The following SETBP1 variants were observed in gnomAD, a reference collection of about 807,000 sequenced individuals.
SETBP1 encodes the protein SET-binding protein.
SETBP1 carries 9 observed loss-of-function variants against 101.0 expected under a neutral mutation model. The observed-to-expected ratio is 0.09, with a 90% CI of 0.05 to 0.16. SETBP1 has a LOEUF of 0.16. Among genes scored for constraint, SETBP1 ranks in the 10% least tolerant of loss-of-function variants. The probability of loss-of-function intolerance (pLI) is 1.00; values close to 1 mark genes in which losing one functional copy is unlikely to be tolerated. For missense variants in SETBP1, 1,858 were observed against 2,033.8 expected (o/e 0.91, Z 1.66); for synonymous variants, 818 against 788.5 (o/e 1.04, Z -0.63).
chr18:44,692,309 T>G (rs1407058049), intron 1 of SETBP1, among the ~76,000 whole-genome samples: 1 of 152,240 alleles, frequency 6.6e-6, no homozygotes, highest in Non-Finnish European at 1.5e-5. Context: ...AAACAATCCT[T>G]GAGGTAGGAT....
intron 3 of SETBP1, among the ~76,000 whole-genome samples, chr18:44,907,922 A>C (rs2070213361): frequency 6.6e-6 from 1 of 152,190 alleles, no homozygotes; most frequent in African/African-American, 2.4e-5. Flanking sequence ...CAAAGGTCAA[A>C]AAATATACTC....
At chr18:45,023,506 C>T (rs769887684) in intron 4 of SETBP1, among the ~76,000 whole-genome samples, 16 of 152,172 alleles carry the variant, frequency 1.1e-4, no homozygotes, top group Non-Finnish European at 2.2e-4. Flanking sequence ...TAAATTAACA[C>T]GTGCACAAAA....
chr18:45,049,805 A>G (rs1370726132), intron 5 of SETBP1, among the ~76,000 whole-genome samples: 2 of 152,158 alleles, frequency 1.3e-5, no homozygotes, highest in Non-Finnish European at 2.9e-5. Context: ...TTATTTAATT[A>G]TGGAATTTAG....
chr18:44,989,584 G>C (rs1231628693), intron 4 of SETBP1, among the ~76,000 whole-genome samples: 2 of 151,976 alleles, frequency 1.3e-5, no homozygotes, highest in African/African-American at 4.8e-5. Flanking sequence ...TCAATCCTCA[G>C]AAGCTGAAAG....
rs2071327995 is a variant in SETBP1 at position 44,950,805 on chromosome 18, G to A, written c.1465G>A (p.Val489Ile). 1.2e-6 allele frequency: 2 copies of A among 1,614,004 alleles called. No individual in the cohort carries two copies. The highest frequency in any genetic ancestry group is 2.2e-5 in the East Asian group (1 of 44,884). ...GLETGGNAEK[V>I]IPGGVSKPRK... Reference sequence around the variant, plus strand: ...TGAAACTGGTGGAAATGCTGAGAAAGTTATCCCAGGAGGTGTGTCTAAGCC... The same window carrying A: ...TGAAACTGGTGGAAATGCTGAGAAAATTATCCCAGGAGGTGTGTCTAAGCC... The change falls in exon 4 of 6, where the codon GTT (valine) becomes ATT (isoleucine). Residue 489 changes from valine (V) to isoleucine (I), a missense_variant. Val to Ile is a conservative substitution (Grantham distance 29). Around this residue, in one of 12 missense-constraint regions of SETBP1, gnomAD observed 581 missense variants for 535.1 expected, o/e 1.09. Coordinates refer to ENST00000649279, the MANE Select transcript of SETBP1 (RefSeq NM_015559.3).
At chr18:44,818,301 G>A (rs533383584) in intron 2 of SETBP1, among the ~76,000 whole-genome samples, 8 of 152,180 alleles carry the variant, frequency 5.3e-5, no homozygotes, top group South Asian at 2.1e-4. Context: ...TAAAATCACC[G>A]AACCTTAAAG....
intron 2 of SETBP1, among the ~76,000 whole-genome samples, chr18:44,763,120 T>C (rs2070694248): frequency 1.3e-5 from 2 of 152,164 alleles, no homozygotes; most frequent in Admixed American, 6.5e-5. Context: ...TGAATTTAAC[T>C]GGGCCTAAAA....
intron 3 of SETBP1, among the ~76,000 whole-genome samples, chr18:44,916,963 G>T: frequency 6.6e-6 from 1 of 152,200 alleles, no homozygotes; most frequent in East Asian, 1.9e-4. Flanking sequence ...CGCTTCCCTG[G>T]TTTCCCAGAC....
chr18:44,819,954 CAA>C (rs542858088), intron 2 of SETBP1, among the ~76,000 whole-genome samples: 1 of 148,544 alleles, frequency 6.7e-6, no homozygotes, highest in African/African-American at 2.5e-5. Context: ...TCATTCTTTA[CAA>C]AAAAAAAAGT....
chr18:45,024,534 C>T (rs1395527882), intron 4 of SETBP1, among the ~76,000 whole-genome samples: 1 of 152,348 alleles, frequency 6.6e-6, no homozygotes, highest in Non-Finnish European at 1.5e-5. Context: ...TCACTGTACA[C>T]TTCTGTAAAC....
chr18:44,847,295 A>G (rs2072744083), intron 2 of SETBP1, among the ~76,000 whole-genome samples: 1 of 152,224 alleles, frequency 6.6e-6, no homozygotes, highest in African/African-American at 2.4e-5. Context: ...CACTCAGGTC[A>G]TGCCTGTCTG....
intron 2 of SETBP1, among the ~76,000 whole-genome samples, chr18:44,834,421 T>TA (rs2072448846): frequency 6.6e-6 from 1 of 152,128 alleles, no homozygotes; most frequent in Non-Finnish European, 1.5e-5. Context: ...GTATAGATTA[T>TA]AAAACGGTAA....
intron 2 of SETBP1, among the ~76,000 whole-genome samples, chr18:44,729,577 T>C (rs1428291315): frequency 1.3e-5 from 2 of 152,214 alleles, no homozygotes; most frequent in Non-Finnish European, 2.9e-5. Context: ...AGCAAGTCAA[T>C]GTGATTCCTG....
intron 2 of SETBP1, among the ~76,000 whole-genome samples, chr18:44,712,448 C>T (rs2069368143): frequency 6.6e-6 from 1 of 152,182 alleles, no homozygotes; most frequent in Admixed American, 6.5e-5. Context: ...TCAGGAATTT[C>T]AGCATTTTTT....
At chr18:44,968,222 A>G (rs1425630110) in intron 4 of SETBP1, among the ~76,000 whole-genome samples, 1 of 152,174 alleles carries the variant, frequency 6.6e-6, no homozygotes, top group Non-Finnish European at 1.5e-5. Flanking sequence ...GTGTTCTTTG[A>G]GAAAATATTG....
intron 3 of SETBP1, among the ~76,000 whole-genome samples, chr18:44,939,111 G>T (rs1419377784): frequency 6.6e-6 from 1 of 152,036 alleles, no homozygotes; most frequent in Non-Finnish European, 1.5e-5. Flanking sequence ...GAAATGTACA[G>T]ATCTTAAATA....
chr18:45,046,316 T>C (rs2073610896), intron 5 of SETBP1, among the ~76,000 whole-genome samples: 1 of 152,076 alleles, frequency 6.6e-6, no homozygotes, highest in Non-Finnish European at 1.5e-5. Flanking sequence ...TTCATTAGAG[T>C]TAAGGGGCAG....
At chr18:44,706,321 C>A (rs1188599990) in intron 2 of SETBP1, among the ~76,000 whole-genome samples, 1 of 151,988 alleles carries the variant, frequency 6.6e-6, no homozygotes, top group South Asian at 2.1e-4. Context: ...CACAGTGGCT[C>A]CTGCCTGTAA....
intron 2 of SETBP1, among the ~76,000 whole-genome samples, chr18:44,814,762 TAGTATTCC>T (rs1472387954): frequency 6.6e-6 from 1 of 152,250 alleles, no homozygotes; most frequent in Non-Finnish European, 1.5e-5. Context: ...CAGCTATTCA[TAGTATTCC>T]AGAATGTCAG....
Sources: gnomAD v4.1 joint callset for allele counts (sites outside exome capture counted in the v4.1 genomes callset) on GRCh38, gnomAD v4.1.1 for gene constraint, gnomAD v4.1.1 regional missense constraint, MANE v1.5 for transcripts, NCBI Gene and HGNC (gene_info 2026-07-23, HGNC 2026-07-21) for gene names.